Variants in AMPD3 observed in about 807,000 individuals in gnomAD.
AMPD3 encodes the protein AMP deaminase 3.
Under a neutral mutation model 82.3 loss-of-function variants are expected in AMPD3, and 57 were observed. The ratio of observed to expected loss-of-function variants is 0.69; its 90% CI spans 0.56 to 0.86. AMPD3 has a LOEUF of 0.86. AMPD3 is among the 40% of genes least tolerant of loss of function. The pLI is 0.00. For missense variants in AMPD3, 870 were observed against 1,003.8 expected (o/e 0.87, Z 1.80); for synonymous variants, 381 against 394.7 (o/e 0.97, Z 0.41).
chr11:10,498,220 C>T (rs1027668848), intron 10 of AMPD3, among the ~76,000 whole-genome samples: 4 of 152,112 alleles, frequency 2.6e-5, no homozygotes, highest in African/African-American at 7.2e-5. Flanking sequence ...TGGTGAGAAG[C>T]GGTGGGCGTA....
rs749689967 is a variant in AMPD3 at position 10,500,159 on chromosome 11, C to G, written c.1631C>G (p.Pro544Arg). The change falls in exon 11 of 15, where the codon CCG (proline) becomes CGG (arginine). Residue 544 changes from proline (P) to arginine (R), a missense_variant. Physicochemically the swap from Pro to Arg is moderately radical, Grantham distance 103. Coordinates refer to ENST00000396553, the MANE Select transcript of AMPD3 (RefSeq NM_001025389.2). Reference protein sequence around the residue: ...DHMFSDKSPNPDVWTSEQNPP... With the variant: ...DHMFSDKSPNRDVWTSEQNPP... ...ATGTTTTCCGACAAGAGCCCAAACCCGGACGTCTGGACCAGTGAGCAGAAC... is the reference window on the plus strand; with the variant it reads ...ATGTTTTCCGACAAGAGCCCAAACCGGGACGTCTGGACCAGTGAGCAGAAC... The G allele has an allele frequency of 1.2e-6, 2 of 1,614,194 alleles. No individual in the cohort carries two copies. The highest frequency in any genetic ancestry group is 2.2e-5 in the South Asian group (2 of 91,082).
At chr11:10,477,707 C>T (rs572043030) in intron 2 of AMPD3, among the ~76,000 whole-genome samples, 59 of 152,314 alleles carry the variant, frequency 3.9e-4, no homozygotes, top group Non-Finnish European at 7.1e-4. Flanking sequence ...GCTCTAGCAG[C>T]GGCAGTCAGG....
At chr11:10,472,407 C>T (rs1848620875) in intron 2 of AMPD3, among the ~76,000 whole-genome samples, 1 of 151,882 alleles carries the variant, frequency 6.6e-6, no homozygotes, top group Non-Finnish European at 1.5e-5. Context: ...CAAACCTGCA[C>T]ATTCTTTACA....
At chr11:10,481,909 G>T (rs1047313286) in intron 3 of AMPD3, 154 bp from the exon 4 acceptor site, 8 of 876,000 alleles carry the variant, frequency 9.1e-6, no homozygotes, top group Middle Eastern at 3.1e-4. Flanking sequence ...TAGGTGCAAT[G>T]AACCACTCTT....
rs1036217341 is a variant in AMPD3 at position 10,496,600 on chromosome 11, G to A, written c.1431-212G>A. 3 of 968,356 alleles carry A rather than the reference G, an allele frequency of 3.1e-6. No homozygotes were observed. In the African/African-American group the frequency reaches 5.3e-5, roughly 17 times the overall value. The allele number at this position is 968,356 out of a possible 1,614,324, so 60.0% of individuals were successfully genotyped here. A position where few individuals can be genotyped will look rare whatever the true frequency, so the allele number is the denominator to read the frequency against. On this transcript the variant is annotated intron_variant, in intron 9 of 14. Transcript: ENST00000396553. ...CTTGAGAAAGTGCTCTGATGGGCAT[G>A]GGTAGGTGTGGAGCTTGCAAACCAA...
At position 10,495,659 on chromosome 11, in the gene AMPD3, C is replaced by A; in HGVS notation, c.1356C>A (p.Asn452Lys). The change falls in exon 9 of 15, where the codon AAC (asparagine) becomes AAA (lysine). Residue 452 changes from asparagine (N) to lysine (K), a missense_variant. Transcript: ENST00000396553. ...IYGRSPEEWP[N>K]LAYWFIQHKV... ...GCCGCAGTCCTGAGGAGTGGCCCAA[C>A]CTGGCCTACTGGTTCATCCAGCACA... 1 of 1,614,156 alleles carries A rather than the reference C, an allele frequency of 6.2e-7. No homozygotes were observed. Among genetic ancestry groups the A allele is most frequent in the Non-Finnish European group, 8.5e-7 (1 of 1,180,024 alleles).
intron 2 of AMPD3, among the ~76,000 whole-genome samples, chr11:10,466,727 C>A (rs997889429): frequency 2.0e-5 from 3 of 152,214 alleles, no homozygotes; most frequent in Non-Finnish European, 4.4e-5. Context: ...GGGTCCCTAA[C>A]CCCCGTGTAT....
rs188033247 is a variant in AMPD3, at chr11:10,460,635, C to T, written c.-5-880C>T. On this transcript the variant is annotated intron_variant, in intron 1 of 14. Coordinates refer to ENST00000396553, the MANE Select transcript of AMPD3 (RefSeq NM_001025389.2). ...TGTTGGCCAGGATGGTCTCAAACTC[C>T]TGACCTCAGGTGATCTGCCCGCCTC... Among the ~76,000 whole-genome samples the T allele has an allele frequency of 2.6e-3, 392 of 152,236 alleles. 2 individuals carry two copies. Among genetic ancestry groups the T allele is most frequent in the African/African-American group, 9.0e-3 (372 of 41,522 alleles).
In AMPD3 at chr11:10,478,649, A is replaced by T. The variant is rs1325734963; in HGVS notation, c.345A>T (p.Gly115=). 3.7e-6 allele frequency: 6 copies of T among 1,614,096 alleles called. No homozygotes were observed. The highest frequency in any genetic ancestry group is 5.1e-6 in the Non-Finnish European group (6 of 1,180,036). The change falls in exon 3 of 15, where the codon GGA becomes GGT. Residue 115 remains glycine (G), a synonymous_variant. Transcript: ENST00000396553. ...AMSPTTPVVT[G]ATSLPTPAPY... is the part of the protein sequence containing the mutation. ...CTCCCACAACCCCTGTGGTCACTGG[A>T]GCCACTTCCCTGCCCACGCCAGCAC...
chr11:10,501,749 ACT>A, intron 12 of AMPD3, 159 bp downstream of exon 12: 2 of 985,158 alleles, frequency 2.0e-6, no homozygotes, highest in Non-Finnish European at 2.4e-6. Context: ...ATATAATCAA[ACT>A]CATCACAATT....
intron 2 of AMPD3, among the ~76,000 whole-genome samples, chr11:10,463,743 C>A (rs1031831888): frequency 1.3e-5 from 2 of 152,202 alleles, no homozygotes; most frequent in South Asian, 2.1e-4. Context: ...CTTAATGGTG[C>A]TCTGTGGTTT....
intron 1 of AMPD3, among the ~76,000 whole-genome samples, chr11:10,459,470 C>T (rs1029689908): frequency 6.6e-6 from 1 of 152,118 alleles, no homozygotes; most frequent in Non-Finnish European, 1.5e-5. Flanking sequence ...ATTGTGAGGC[C>T]GGAGAATGAC....
chr11:10,477,045 C>A (rs1848761204), intron 2 of AMPD3: 8 of 985,340 alleles, frequency 8.1e-6, no homozygotes, highest in Non-Finnish European at 9.6e-6. Flanking sequence ...AACCAGAGGG[C>A]CATGGCAAGC....
intron 14 of AMPD3, 62 bp from the exon 15 acceptor site, chr11:10,505,646 A>G (rs2133952677): frequency 6.3e-7 from 1 of 1,592,024 alleles, no homozygotes; most frequent in Non-Finnish European, 8.5e-7. Flanking sequence ...AAAGCTGCCC[A>G]CATGGCTATA....
At chr11:10,486,290 G>A (rs1591469449) in intron 5 of AMPD3, among the ~76,000 whole-genome samples, 2 of 152,346 alleles carry the variant, frequency 1.3e-5, no homozygotes, top group East Asian at 3.9e-4. Flanking sequence ...CTGTTGCAGT[G>A]CCGGCAGATG....
chr11:10,453,530 C>G (rs908164038), upstream of AMPD3, among the ~76,000 whole-genome samples: 1 of 152,076 alleles, frequency 6.6e-6, no homozygotes, highest in Non-Finnish European at 1.5e-5. Context: ...ATGAACCCCT[C>G]TATGCAAGCT....
At chr11:10,490,947 G>A (rs1046048329) in intron 6 of AMPD3, among the ~76,000 whole-genome samples, 2 of 152,208 alleles carry the variant, frequency 1.3e-5, no homozygotes, top group African/African-American at 4.8e-5. Flanking sequence ...GGTAAGAATG[G>A]CAAGATTAAT....
intron 2 of AMPD3, among the ~76,000 whole-genome samples, chr11:10,462,387 T>A (rs1020018498): frequency 1.3e-5 from 2 of 150,304 alleles, no homozygotes; most frequent in East Asian, 3.9e-4. Context: ...AGGACAGGAG[T>A]GACAAGGAAA....
intron 13 of AMPD3, 29 bp from the exon 14 acceptor site, chr11:10,504,520 T>G: frequency 1.3e-6 from 2 of 1,587,260 alleles, no homozygotes; most frequent in Non-Finnish European, 1.7e-6. Flanking sequence ...TCCCCCCTTC[T>G]AATCCACATG....
Sources: allele counts gnomAD v4.1 joint callset (sites outside exome capture counted in the v4.1 genomes callset), GRCh38; gene constraint gnomAD v4.1.1; transcripts MANE v1.5; gene names NCBI Gene and HGNC (gene_info 2026-07-23, HGNC 2026-07-21).